HEMK2: variants seen among roughly 807,000 people sequenced by gnomAD.
HEMK2 encodes methyltransferase HEMK2.
the HEMK2 span, among the ~76,000 whole-genome samples, chr21:28,750,281 TGTAA>T: frequency 6.6e-6 from 1 of 152,238 alleles, no homozygotes; most frequent in Non-Finnish European, 1.5e-5. Flanking sequence ...AATTTTTAGC[TGTAA>T]GTAATCTATT....
At chr21:28,778,119 C>T in the HEMK2 span, among the ~76,000 whole-genome samples, 1 of 152,112 alleles carries the variant, frequency 6.6e-6, no homozygotes, top group Admixed American at 6.5e-5. Context: ...ACCACACTCA[C>T]CTCTTTACCC....
the HEMK2 span, among the ~76,000 whole-genome samples, chr21:28,736,974 A>C: frequency 6.6e-6 from 1 of 152,134 alleles, no homozygotes; most frequent in African/African-American, 2.4e-5. Context: ...CCATATATAA[A>C]ATTTGAGTAG....
chr21:28,695,016 T>A, the HEMK2 span, among the ~76,000 whole-genome samples: 1 of 148,546 alleles, frequency 6.7e-6, no homozygotes, highest in Non-Finnish European at 1.5e-5. Context: ...AAAAAAAAGA[T>A]TCAACATTGT....
chr21:28,873,572 G>A, the HEMK2 span: 26,184 of 152,214 alleles, frequency 0.17, 2,347 homozygotes, highest in South Asian at 0.23. Flanking sequence ...GGTCCTGTCT[G>A]AATTAGGCTG....
chr21:28,789,807 T>G, the HEMK2 span, among the ~76,000 whole-genome samples: 1 of 152,218 alleles, frequency 6.6e-6, no homozygotes. Flanking sequence ...AGGCCCTGCT[T>G]AGGGCTAGTA....
chr21:28,783,384 C>T, the HEMK2 span, among the ~76,000 whole-genome samples: 2 of 152,122 alleles, frequency 1.3e-5, no homozygotes, highest in Non-Finnish European at 2.9e-5. Flanking sequence ...GGGGTTTCAC[C>T]ATGTTGGTCA....
At chr21:28,878,031 C>T in the HEMK2 span, among the ~76,000 whole-genome samples, 1 of 152,116 alleles carries the variant, frequency 6.6e-6, no homozygotes, top group Non-Finnish European at 1.5e-5. Context: ...CCTCTTTTCT[C>T]TTTCAACATA....
At chr21:28,661,922 TTC>T in the HEMK2 span, among the ~76,000 whole-genome samples, 3 of 152,174 alleles carry the variant, frequency 2.0e-5, no homozygotes, top group African/African-American at 7.2e-5. Context: ...AATCATCCCA[TTC>T]TCTCTCTGTT....
the HEMK2 span, among the ~76,000 whole-genome samples, chr21:28,781,424 A>G: frequency 2.6e-5 from 4 of 152,252 alleles, no homozygotes; most frequent in African/African-American, 7.2e-5. Flanking sequence ...AGAGTTCCCA[A>G]TGCATGTTCC....
the HEMK2 span, among the ~76,000 whole-genome samples, chr21:28,817,137 C>T: frequency 7.2e-5 from 11 of 152,296 alleles, no homozygotes; most frequent in African/African-American, 2.6e-4. Context: ...GTAATCACAA[C>T]AGCAACACTG....
chr21:28,648,147 T>G, the HEMK2 span, among the ~76,000 whole-genome samples: 1 of 152,256 alleles, frequency 6.6e-6, no homozygotes, highest in Admixed American at 6.5e-5. Context: ...GTTAGGAACT[T>G]GAAAAATTAT....
the HEMK2 span, among the ~76,000 whole-genome samples, chr21:28,663,312 A>T: frequency 1.3e-5 from 2 of 152,236 alleles, no homozygotes; most frequent in Non-Finnish European, 2.9e-5. Flanking sequence ...CTGGGACTGC[A>T]GTGCGGTAAT....
At chr21:28,736,337 A>G in the HEMK2 span, among the ~76,000 whole-genome samples, 1 of 152,232 alleles carries the variant, frequency 6.6e-6, no homozygotes. Flanking sequence ...AAGCCTAGCT[A>G]TCTTTGCCTC....
At chr21:28,771,607 A>G in the HEMK2 span, among the ~76,000 whole-genome samples, 2 of 148,016 alleles carry the variant, frequency 1.4e-5, no homozygotes, top group Non-Finnish European at 3.0e-5. Flanking sequence ...TAGTTGCCAT[A>G]TTTTCCTCTC....
At chr21:28,620,961 G>T in the HEMK2 span, among the ~76,000 whole-genome samples, 1 of 151,770 alleles carries the variant, frequency 6.6e-6, no homozygotes, top group Non-Finnish European at 1.5e-5. Flanking sequence ...ATGAGCCACC[G>T]CACCTGGCCC....
chr21:28,700,350 T>C, the HEMK2 span, among the ~76,000 whole-genome samples: 2 of 152,116 alleles, frequency 1.3e-5, no homozygotes, highest in Admixed American at 1.3e-4. Context: ...AATATTTTGC[T>C]TTCTCAAAAA....
chr21:28,831,651 G>GAAGGAAAGA, the HEMK2 span, among the ~76,000 whole-genome samples: 3 of 32,008 alleles, frequency 9.4e-5, 1 homozygote, highest in African/African-American at 4.9e-4. Context: ...AAGAAAGAAA[G>GAAGGAAAGA]AAAGAAAGAA....
At chr21:28,724,187 G>A in the HEMK2 span, among the ~76,000 whole-genome samples, 1 of 152,062 alleles carries the variant, frequency 6.6e-6, no homozygotes, top group African/African-American at 2.4e-5. Flanking sequence ...CTTTAATTTT[G>A]GTTTTCTTCA....
At chr21:28,814,665 T>C in the HEMK2 span, among the ~76,000 whole-genome samples, 1 of 151,720 alleles carries the variant, frequency 6.6e-6, no homozygotes, top group Non-Finnish European at 1.5e-5. Context: ...GAAATGCAAA[T>C]CAAAACCACA....
Sources: allele counts gnomAD v4.1 joint callset (sites outside exome capture counted in the v4.1 genomes callset), GRCh38; gene constraint gnomAD v4.1.1; transcripts MANE v1.5; gene names NCBI Gene and HGNC (gene_info 2026-07-23, HGNC 2026-07-21).